Variants in TEK observed in about 807,000 individuals in gnomAD.
The protein encoded by TEK is TEK receptor tyrosine kinase.
Under a neutral mutation model 131.8 loss-of-function variants are expected in TEK, and 43 were observed. That is an observed-to-expected ratio of 0.33 (90% CI 0.26 to 0.42). The LOEUF (loss-of-function observed/expected upper bound fraction) is 0.42, where lower values mean the gene tolerates loss of function less well. Among genes scored for constraint, TEK ranks in the 10% least tolerant of loss-of-function variants. TEK has a pLI of 1.00. For missense variants in TEK, 1,162 were observed against 1,384.4 expected, an observed-to-expected ratio of 0.84 and a Z score of 2.55; for synonymous variants, 580 against 491.6, an observed-to-expected ratio of 1.18 and a Z score of -2.38.
At chr9:27,217,644 A>C in intron 18 of TEK, 44 bp from the exon 19 acceptor site, 1 of 1,587,030 alleles carries the variant, frequency 6.3e-7, no homozygotes, top group Middle Eastern at 1.7e-4. Flanking sequence ...AGCCTCTTAA[A>C]GACCCTGTCC....
At chr9:27,112,814 A>G (rs925910265) in intron 1 of TEK, among the ~76,000 whole-genome samples, 8 of 152,320 alleles carry the variant, frequency 5.3e-5, no homozygotes, top group African/African-American at 1.9e-4. Flanking sequence ...AAATAGGTAA[A>G]TGTCTGGTTC....
intron 1 of TEK, among the ~76,000 whole-genome samples, chr9:27,151,284 CAAG>C (rs1823118576): frequency 6.6e-6 from 1 of 152,020 alleles, no homozygotes; most frequent in African/African-American, 2.4e-5. Context: ...TCATGGGAGA[CAAG>C]AAGGCAGAAA....
At chr9:27,125,101 C>T (rs1821940379) in intron 1 of TEK, among the ~76,000 whole-genome samples, 1 of 152,198 alleles carries the variant, frequency 6.6e-6, no homozygotes, top group East Asian at 1.9e-4. Context: ...CCGCCTCGGC[C>T]CTGTGTATCT....
chr9:27,217,167 G>C (rs576420036), intron 18 of TEK, among the ~76,000 whole-genome samples: 4 of 152,254 alleles, frequency 2.6e-5, no homozygotes, highest in Non-Finnish European at 5.9e-5. Flanking sequence ...CATGCACACT[G>C]TTCCCCTTGT....
rs1176307952 is a variant in TEK, at chr9:27,109,648, G to T, written c.52+6G>T. 1 of 1,613,858 alleles carries T rather than the reference G, an allele frequency of 6.2e-7. No individual in the cohort carries two copies. Among genetic ancestry groups the T allele is most frequent in the Admixed American group, 1.7e-5 (1 of 60,010 alleles). On this transcript the variant is annotated splice_donor_region_variant and intron_variant, in intron 1 of 22. Transcript: ENST00000380036. Reference sequence around the variant, plus strand: ...AGTCAGCTTGCTCCTTTCTGGTAAGGTTTGGCTTTATTTTTTTTAATTTAG... The same window carrying T: ...AGTCAGCTTGCTCCTTTCTGGTAAGTTTTGGCTTTATTTTTTTTAATTTAG...
Position 27,157,899 on chromosome 9 carries a change from T to C in TEK, c.121T>C (p.Ser41Pro). The C allele has an allele frequency of 6.2e-7, 1 of 1,614,104 alleles. No individual in the cohort carries two copies. The highest frequency in any genetic ancestry group is 8.5e-7 in the Non-Finnish European group (1 of 1,180,012). ...ACCTCTTGTATCTGATGCTGAAACA[T>C]CTCTCACCTGCATTGCCTCTGGGTG... Reference protein sequence around the residue: ...SLPLVSDAETSLTCIASGWRP... With the variant: ...SLPLVSDAETPLTCIASGWRP... Residue 41 changes from serine (S) to proline (P), a missense_variant, in exon 2 of 23, where the codon TCT (serine) becomes CCT (proline). By Grantham distance (74) the Ser-to-Pro change is moderately conservative. Around this residue, in one of 6 missense-constraint regions of TEK, gnomAD observed 436 missense variants for 539.1 expected, o/e 0.81. Transcript: ENST00000380036.
chr9:27,165,503 G>A lies in TEK; in HGVS notation c.365-2992G>A, dbSNP rs367674753. 3.9e-5 allele frequency among the ~76,000 whole-genome samples: 6 copies of A among 152,198 alleles called. No individual in the cohort carries two copies. In the East Asian group the frequency reaches 1.2e-3, roughly 29 times the overall value. On this transcript the variant is annotated intron_variant, in intron 2 of 22. Coordinates refer to ENST00000380036, the MANE Select transcript of TEK (RefSeq NM_000459.5). Reference sequence around the variant, plus strand: ...TATGGCTGGCTCATTTTAGTGCTCTGGAGAAAAGTGTCCCTCATGCTCATA... The same window carrying A: ...TATGGCTGGCTCATTTTAGTGCTCTAGAGAAAAGTGTCCCTCATGCTCATA...
At chr9:27,208,980 C>T in intron 15 of TEK, 141 bp from the exon 16 acceptor site, 1 of 694,858 alleles carries the variant, frequency 1.4e-6, no homozygotes, top group Non-Finnish European at 2.6e-6. Context: ...GGCCGAGAAA[C>T]TCTACTTTAG....
intron 18 of TEK, among the ~76,000 whole-genome samples, chr9:27,217,263 A>G (rs1011019523): frequency 1.3e-5 from 2 of 151,932 alleles, no homozygotes; most frequent in Non-Finnish European, 2.9e-5. Flanking sequence ...CCTCTGGAGA[A>G]TCTCCCTCCA....
At position 27,161,171 on chromosome 9, in the gene TEK, G is replaced by A. The variant is rs150279309; in HGVS notation, c.364+3029G>A. Among the ~76,000 whole-genome samples, 210 of 152,334 alleles carry A rather than the reference G, an allele frequency of 1.4e-3. 1 individual carries two copies. Among genetic ancestry groups the A allele is most frequent in the African/African-American group, 4.8e-3 (198 of 41,584 alleles). On this transcript the variant is annotated intron_variant, in intron 2 of 22. Transcript: ENST00000380036. ...CAAACTGAGAGGCTAGGTGATCACAGGTAAAGGATGGCTTAACTTCAGTTA... is the reference window on the plus strand; with the variant it reads ...CAAACTGAGAGGCTAGGTGATCACAAGTAAAGGATGGCTTAACTTCAGTTA...
Position 27,229,449 on chromosome 9 carries a change from A to T in TEK, c.*217A>T. ...TATACTGTTTTAAGAATGGGCTGAAATCAGAATGCCTGTTTGTGGTTTCAT... is the reference window on the plus strand; with the variant it reads ...TATACTGTTTTAAGAATGGGCTGAATTCAGAATGCCTGTTTGTGGTTTCAT... On this transcript the variant is annotated 3_prime_UTR_variant, in exon 23 of 23. Coordinates refer to ENST00000380036, the MANE Select transcript of TEK (RefSeq NM_000459.5). 1.7e-6 allele frequency: 1 copy of T among 583,980 alleles called. No homozygotes were observed. The highest frequency in any genetic ancestry group is 3.1e-6 in the Non-Finnish European group (1 of 326,630). The allele number at this position is 583,980 out of a possible 1,614,324, so 36.2% of individuals were successfully genotyped here.
At chr9:27,146,971 T>C (rs907507516) in intron 1 of TEK, among the ~76,000 whole-genome samples, 3 of 152,080 alleles carry the variant, frequency 2.0e-5, no homozygotes, top group Admixed American at 6.5e-5. Flanking sequence ...CCTTGTGATC[T>C]GCCCGCCTCG....
intron 19 of TEK, among the ~76,000 whole-genome samples, 199 bp downstream of exon 19, chr9:27,217,957 T>G (rs1825879419): frequency 6.6e-6 from 1 of 152,184 alleles, no homozygotes; most frequent in Admixed American, 6.5e-5. Context: ...TGTGGCAGGT[T>G]TTGGGTTTCC....
intron 1 of TEK, among the ~76,000 whole-genome samples, chr9:27,153,633 A>G (rs775975900): frequency 1.3e-5 from 2 of 152,214 alleles, no homozygotes; most frequent in African/African-American, 2.4e-5. Context: ...TTGTGATGAA[A>G]CAACTCACTA....
chr9:27,172,798 G>T (rs1383210575), intron 5 of TEK, 51 bp downstream of exon 5: 1 of 1,607,520 alleles, frequency 6.2e-7, no homozygotes, highest in East Asian at 2.2e-5. Context: ...AGCCATCGTT[G>T]CTGGATCTAG....
intron 1 of TEK, among the ~76,000 whole-genome samples, chr9:27,141,453 C>T (rs1389397404): frequency 6.6e-6 from 1 of 152,138 alleles, no homozygotes; most frequent in African/African-American, 2.4e-5. Flanking sequence ...TTTCTCTCAT[C>T]CTTCCTTTTC....
intron 6 of TEK, among the ~76,000 whole-genome samples, chr9:27,177,669 G>C (rs1824220342): frequency 6.6e-6 from 1 of 152,200 alleles, no homozygotes; most frequent in Non-Finnish European, 1.5e-5. Context: ...AGAATCGCTT[G>C]AACCAGGGAG....
intron 18 of TEK, among the ~76,000 whole-genome samples, chr9:27,215,275 G>A (rs949090344): frequency 1.3e-5 from 2 of 151,868 alleles, no homozygotes; most frequent in Non-Finnish European, 2.9e-5. Context: ...CAGGGTAAAG[G>A]TGTTCTTTAG....
At chr9:27,131,394 A>G (rs1822213011) in intron 1 of TEK, among the ~76,000 whole-genome samples, 1 of 151,232 alleles carries the variant, frequency 6.6e-6, no homozygotes, top group South Asian at 2.1e-4. Context: ...AGGTTGGATC[A>G]GCTGAGCCCA....
Sources: gnomAD v4.1 joint callset for allele counts (sites outside exome capture counted in the v4.1 genomes callset) on GRCh38, gnomAD v4.1.1 for gene constraint, gnomAD v4.1.1 regional missense constraint, MANE v1.5 for transcripts, NCBI Gene and HGNC (gene_info 2026-07-23, HGNC 2026-07-21) for gene names.